SCN11A: variants seen among roughly 807,000 people sequenced by gnomAD.
The protein encoded by SCN11A is sodium channel protein type 11 subunit alpha.
Under a neutral mutation model 162.2 loss-of-function variants are expected in SCN11A, and 122 were observed. The ratio of observed to expected loss-of-function variants is 0.75; its 90% CI spans 0.65 to 0.87. The LOEUF is 0.87. Ranked by LOEUF, SCN11A falls within the 40% of genes least tolerant of loss-of-function variation. SCN11A has a pLI of 0.00. For missense variants in SCN11A, 2,015 were observed against 2,181.6 expected (o/e 0.92, Z 1.52); for synonymous variants, 758 against 751.5 (o/e 1.01, Z -0.14).
At chr3:39,008,889 A>C (rs1456144084) in intron 2 of SCN11A, among the ~76,000 whole-genome samples, 1 of 52,954 alleles carries the variant, frequency 1.9e-5, no homozygotes, top group Non-Finnish European at 3.2e-5. Flanking sequence ...CTCAAAAAAC[A>C]AAAAAAAAAG....
chr3:38,907,306 ATATATGTG>A (rs1326544411), intron 14 of SCN11A, among the ~76,000 whole-genome samples: 12 of 49,004 alleles, frequency 2.4e-4, no homozygotes, highest in African/African-American at 6.9e-4. Context: ...ATATACCAAC[ATATATGTG>A]TGTGTGTGTG....
Position 38,867,321 on chromosome 3 carries a change from C to A in SCN11A, c.3951G>T (p.Lys1317Asn). 1 of 1,611,700 alleles carries A rather than the reference C, an allele frequency of 6.2e-7. No individual in the cohort carries two copies. The highest frequency in any genetic ancestry group is 8.5e-7 in the Non-Finnish European group (1 of 1,179,180). ...IIDNFNQQQK[K>N]LGGQDIFMTE... is the part of the protein sequence containing the mutation. The stretch of plus-strand genomic sequence containing the variant: ...AAATCAAGACAACCCAGATACTTAT[C>A]TTTTTCTGCTGTTGGTTGAAGTTGT... Residue 1317 changes from lysine (K) to asparagine (N), a missense_variant and splice_region_variant, in exon 27 of 30, where the codon AAG becomes AAT. Transcript: ENST00000302328.
At chr3:39,000,109 T>C (rs1284557576) in intron 2 of SCN11A, among the ~76,000 whole-genome samples, 2 of 152,350 alleles carry the variant, frequency 1.3e-5, no homozygotes, top group Non-Finnish European at 2.9e-5. Flanking sequence ...ATATCTGCTT[T>C]GTAGCTACTG....
chr3:38,907,363 C>T (rs75317406), intron 14 of SCN11A, among the ~76,000 whole-genome samples: 8,128 of 31,116 alleles, frequency 0.26, 719 homozygotes, highest in African/African-American at 0.36. Flanking sequence ...TATATACACA[C>T]ACACACACAC....
chr3:38,924,772 G>T (rs956774554), intron 9 of SCN11A, among the ~76,000 whole-genome samples: 2 of 152,066 alleles, frequency 1.3e-5, no homozygotes, highest in African/African-American at 4.8e-5. Context: ...GCCTCCCAAA[G>T]TGCTAGAATT....
intron 11 of SCN11A, 87 bp from the exon 12 acceptor site, chr3:38,910,294 G>C: frequency 7.2e-7 from 1 of 1,388,578 alleles, no homozygotes; most frequent in Non-Finnish European, 9.9e-7. Context: ...TTTTCCAAGG[G>C]CTGTGGGATC....
intron 28 of SCN11A, among the ~76,000 whole-genome samples, chr3:38,861,578 C>A (rs2064964968): frequency 6.6e-6 from 1 of 151,772 alleles, no homozygotes; most frequent in South Asian, 2.1e-4. Context: ...GAGAACCCCC[C>A]AAAAAAGCCA....
At chr3:38,908,786 T>G (rs2125536770) in intron 13 of SCN11A, among the ~76,000 whole-genome samples, 1 of 152,286 alleles carries the variant, frequency 6.6e-6, no homozygotes, top group Middle Eastern at 3.4e-3. Flanking sequence ...GACCAAGCGT[T>G]CCCCGTTTTG....
chr3:39,035,720 A>G (rs141609594), intron 1 of SCN11A, among the ~76,000 whole-genome samples: 2,813 of 152,106 alleles, frequency 0.018, 29 homozygotes, highest in Non-Finnish European at 0.018. Flanking sequence ...GCTCACTGCA[A>G]GCTCCGCCTC....
chr3:38,913,611 G>C (rs1279406887), intron 11 of SCN11A, among the ~76,000 whole-genome samples: 1 of 152,158 alleles, frequency 6.6e-6, no homozygotes, highest in African/African-American at 2.4e-5. Context: ...TTGTCTTCCA[G>C]AGTTTTTATA....
chr3:39,039,688 C>A (rs535757786), intron 1 of SCN11A, among the ~76,000 whole-genome samples: 1 of 152,254 alleles, frequency 6.6e-6, no homozygotes, highest in East Asian at 1.9e-4. Context: ...GCCTGGCCAG[C>A]CACCTGGTAC....
chr3:38,914,432 A>G (rs2065930327), intron 11 of SCN11A, among the ~76,000 whole-genome samples: 1 of 152,204 alleles, frequency 6.6e-6, no homozygotes, highest in African/African-American at 2.4e-5. Context: ...TGTTATCTGC[A>G]AACAGGAATA....
intron 2 of SCN11A, among the ~76,000 whole-genome samples, chr3:38,967,674 TA>T (rs2066791471): frequency 6.6e-6 from 1 of 152,302 alleles, no homozygotes; most frequent in East Asian, 1.9e-4. Flanking sequence ...ACCACAGCTT[TA>T]GCTGGAATCA....
At position 38,925,409 on chromosome 3, in the gene SCN11A, A is replaced by T; in HGVS notation, c.712+6T>A. 1 of 1,587,454 alleles carries T rather than the reference A, an allele frequency of 6.3e-7. No individual in the cohort carries two copies. The highest frequency in any genetic ancestry group is 8.7e-7 in the Non-Finnish European group (1 of 1,155,734). Reference sequence around the variant, plus strand: ...GGAGCCAGTGTGGAAAGTGAGAGTGACTTACGTGAAACTACTGAAATTGCT... The same window carrying T: ...GGAGCCAGTGTGGAAAGTGAGAGTGTCTTACGTGAAACTACTGAAATTGCT... On this transcript the variant is annotated splice_donor_region_variant and intron_variant, in intron 9 of 29. Coordinates refer to ENST00000302328, the MANE Select transcript of SCN11A (RefSeq NM_001349253.2).
chr3:38,948,131 T>G (rs891631530), intron 5 of SCN11A, among the ~76,000 whole-genome samples: 9 of 152,178 alleles, frequency 5.9e-5, no homozygotes, highest in Admixed American at 6.5e-5. Context: ...AATAATGAAA[T>G]GAGCCACGGG....
chr3:38,869,993 T>A (rs575610067), intron 26 of SCN11A, among the ~76,000 whole-genome samples: 5 of 152,156 alleles, frequency 3.3e-5, no homozygotes, highest in Non-Finnish European at 7.4e-5. Flanking sequence ...GACTCCCAAA[T>A]AGGTCGAAAC....
At chr3:38,955,421 G>GA (rs2066669906) in intron 3 of SCN11A, among the ~76,000 whole-genome samples, 1 of 152,096 alleles carries the variant, frequency 6.6e-6, no homozygotes, top group Non-Finnish European at 1.5e-5. Flanking sequence ...CTTATTAACT[G>GA]AAAAAACAAT....
intron 27 of SCN11A, 48 bp downstream of exon 27, chr3:38,867,273 T>C (rs1352031314): frequency 3.8e-6 from 6 of 1,562,568 alleles, no homozygotes; most frequent in Middle Eastern, 1.7e-4. Flanking sequence ...TTAATGCATT[T>C]GGAGGACAGA....
intron 9 of SCN11A, among the ~76,000 whole-genome samples, chr3:38,921,879 T>C (rs774361138): frequency 1.1e-4 from 16 of 152,288 alleles, no homozygotes; most frequent in Non-Finnish European, 1.0e-4. Flanking sequence ...AGTTACAAAA[T>C]AAATAATCTT....
Sources: allele counts gnomAD v4.1 joint callset (sites outside exome capture counted in the v4.1 genomes callset), GRCh38; gene constraint gnomAD v4.1.1; transcripts MANE v1.5; gene names NCBI Gene and HGNC (gene_info 2026-07-23, HGNC 2026-07-21).